ADGRV1: variants seen among roughly 807,000 people sequenced by gnomAD.
ADGRV1 encodes the protein G-protein coupled receptor 98.
Under a neutral mutation model 596.2 loss-of-function variants are expected in ADGRV1, and 359 were observed. That is an observed-to-expected ratio of 0.60 (90% confidence interval 0.55 to 0.66). The LOEUF (loss-of-function observed/expected upper bound fraction) is 0.66, where lower values mean the gene tolerates loss of function less well. ADGRV1 is among the 30% of genes least tolerant of loss of function. The probability of loss-of-function intolerance (pLI) is 0.00; values close to 1 mark genes in which losing one functional copy is unlikely to be tolerated. For missense variants in ADGRV1, 7,274 were observed against 7,575.6 expected (o/e 0.96, Z 1.48); for synonymous variants, 2,681 against 2,679.2 (o/e 1.00, Z -0.02).
intron 83 of ADGRV1, among the ~76,000 whole-genome samples, chr5:90,876,678 G>A (rs1769249428): frequency 6.6e-6 from 1 of 152,186 alleles, no homozygotes; most frequent in South Asian, 2.1e-4. Flanking sequence ...TGAATTATAG[G>A]AAAGTCAGAT....
intron 87 of ADGRV1, among the ~76,000 whole-genome samples, chr5:91,136,222 A>G (rs1219846097): frequency 6.6e-6 from 1 of 151,662 alleles, no homozygotes; most frequent in African/African-American, 2.4e-5. Context: ...AAACATTAAC[A>G]CCTCCCCCAT....
Position 90,759,585 on chromosome 5 carries a change from G to A in ADGRV1, c.12117G>A (p.Lys4039=). The A allele has an allele frequency of 6.2e-7, 1 of 1,611,946 alleles. No homozygotes were observed. Among genetic ancestry groups the A allele is most frequent in the East Asian group, 2.2e-5 (1 of 44,850 alleles). ...SPFGVFGFEE[K]TVMIDESLSS... Reference sequence around the variant, plus strand: ...TTGGAGTATTTGGATTTGAAGAAAAGACTGTAAGTTAAACATATCAGGGGA... The same window carrying A: ...TTGGAGTATTTGGATTTGAAGAAAAAACTGTAAGTTAAACATATCAGGGGA... The change falls in exon 58 of 90, where the codon AAG becomes AAA. Residue 4039 remains lysine, a synonymous_variant. Transcript: ENST00000405460.
intron 50 of ADGRV1, among the ~76,000 whole-genome samples, chr5:90,742,180 T>C (rs937687076): frequency 6.6e-6 from 1 of 152,192 alleles, no homozygotes; most frequent in African/African-American, 2.4e-5. Context: ...AAGAGAGATA[T>C]TATGTATAAT....
chr5:90,714,043 A>G (rs1297267520), intron 42 of ADGRV1, among the ~76,000 whole-genome samples: 1 of 152,200 alleles, frequency 6.6e-6, no homozygotes, highest in African/African-American at 2.4e-5. Context: ...AATTAAGATT[A>G]TCTGTTGAGT....
chr5:91,075,563 T>C (rs994371072), intron 86 of ADGRV1, among the ~76,000 whole-genome samples: 1 of 152,186 alleles, frequency 6.6e-6, no homozygotes, highest in Non-Finnish European at 1.5e-5. Flanking sequence ...AAAATGTGAA[T>C]AGAAGCATTG....
At chr5:90,817,410 T>G (rs1253082496) in intron 75 of ADGRV1, among the ~76,000 whole-genome samples, 6 of 151,370 alleles carry the variant, frequency 4.0e-5, no homozygotes, top group South Asian at 2.1e-4. Context: ...AGAAGCTCTT[T>G]AGTTTAATTA....
At chr5:90,614,589 T>A (rs1035611052) in intron 1 of ADGRV1, 23 of 445,252 alleles carry the variant, frequency 5.2e-5, no homozygotes, top group Middle Eastern at 5.9e-4. Flanking sequence ...AGCTATTATC[T>A]TGGTATAGAA....
chr5:91,043,689 C>G (rs567166125), intron 85 of ADGRV1, among the ~76,000 whole-genome samples: 94 of 152,072 alleles, frequency 6.2e-4, no homozygotes, highest in Non-Finnish European at 1.0e-3. Context: ...GAAAAGAGTG[C>G]TTAGCACTTA....
chr5:90,664,835 T>C (rs1406238346), intron 21 of ADGRV1, among the ~76,000 whole-genome samples: 3 of 140,804 alleles, frequency 2.1e-5, no homozygotes, highest in Non-Finnish European at 4.5e-5. Context: ...GGTTGTTGAA[T>C]GTTGTCAAAG....
At position 90,836,247 on chromosome 5, in the gene ADGRV1, ATGAAAACTTATG is replaced by A. The variant is rs911465364; in HGVS notation, c.16612-4329_16612-4318del. 1.5e-4 allele frequency among the ~76,000 whole-genome samples: 23 copies of A among 152,340 alleles called. 1 individual carries two copies. The highest frequency in any genetic ancestry group is 1.4e-3 in the Admixed American group (22 of 15,298). On this transcript the variant is annotated intron_variant, in intron 77 of 89. Transcript: ENST00000405460. ...AGTCCTGGACATTTATTCCTGATAA[ATGAAAACTTATG>A]TTCACACAAAAACTTGCACATGAAC...
chr5:90,976,921 T>C (rs1300691509), intron 84 of ADGRV1, among the ~76,000 whole-genome samples: 2 of 152,200 alleles, frequency 1.3e-5, no homozygotes, highest in Non-Finnish European at 2.9e-5. Context: ...TTTAAAATGG[T>C]AGAATAAGGT....
rs146015512 is a variant in ADGRV1 at position 90,679,531 on chromosome 5, C to CT, written c.5444-17dup. Reference sequence around the variant, plus strand: ...AATGTGTGTTGTGTGGGTTGTGTCTCTGTGTCTCCTTGTGAAGTAGCTGAA... The same window carrying CT: ...AATGTGTGTTGTGTGGGTTGTGTCTCTTGTGTCTCCTTGTGAAGTAGCTGAA... On this transcript the variant is annotated splice_polypyrimidine_tract_variant and intron_variant, in intron 25 of 89. Transcript: ENST00000405460. The CT allele has an allele frequency of 2.6e-4, 422 of 1,595,812 alleles. 9 individuals carry two copies. The East Asian group carries it at 7.4e-3, about 28-fold the overall frequency.
intron 84 of ADGRV1, among the ~76,000 whole-genome samples, chr5:90,973,486 T>C (rs1481656493): frequency 6.6e-6 from 1 of 152,076 alleles, no homozygotes; most frequent in East Asian, 1.9e-4. Context: ...CAGCAGCACA[T>C]TAAAAGCTTA....
chr5:90,959,936 A>G (rs35060258), intron 83 of ADGRV1, among the ~76,000 whole-genome samples: 36,864 of 151,860 alleles, frequency 0.24, 5,028 homozygotes, highest in Non-Finnish European at 0.32. Context: ...TCAGGAGATC[A>G]AGACCATCCT....
chr5:90,756,906 CA>C (rs1459925111), intron 56 of ADGRV1, 72 bp from the exon 57 acceptor site: 4 of 1,230,324 alleles, frequency 3.3e-6, no homozygotes, highest in Non-Finnish European at 1.1e-6. Context: ...TAAGTAGAAA[CA>C]ATAACTTTAG....
intron 84 of ADGRV1, among the ~76,000 whole-genome samples, chr5:90,967,354 TG>T (rs1778565800): frequency 6.6e-6 from 1 of 152,198 alleles, no homozygotes; most frequent in Non-Finnish European, 1.5e-5. Context: ...GGAAAATTAA[TG>T]GTGTTTTCAA....
Position 90,685,796 on chromosome 5 carries a change from T to C in ADGRV1, c.6291T>C (p.Arg2097=). ...GTCTTTCAGTTCCAAATTCTCCACG[T>C]CTTGGGCCTAAGGTAGAAACTATTG... ...VQSRSIPNSP[R]LGPKVETIAQ... is the part of the protein sequence containing the mutation. Residue 2097 remains arginine (R), a synonymous_variant, in exon 29 of 90, where the codon CGT becomes CGC. Transcript: ENST00000405460. 1.2e-6 allele frequency: 2 copies of C among 1,608,748 alleles called. No individual in the cohort carries two copies. The highest frequency in any genetic ancestry group is 1.7e-6 in the Non-Finnish European group (2 of 1,178,188).
At chr5:90,704,684 C>T (rs1021627605) in intron 36 of ADGRV1, among the ~76,000 whole-genome samples, 196 bp downstream of exon 36, 8 of 152,062 alleles carry the variant, frequency 5.3e-5, no homozygotes, top group Non-Finnish European at 1.2e-4. Context: ...AGGAAAGAAG[C>T]CCTGAAACGT....
chr5:90,969,912 G>A (rs557479008), intron 84 of ADGRV1, among the ~76,000 whole-genome samples: 7 of 152,306 alleles, frequency 4.6e-5, no homozygotes, highest in East Asian at 3.9e-4. Flanking sequence ...AGCGTGAGCC[G>A]AAGCAGGGCG....
Sources: allele counts gnomAD v4.1 joint callset (sites outside exome capture counted in the v4.1 genomes callset), GRCh38; gene constraint gnomAD v4.1.1; transcripts MANE v1.5; gene names NCBI Gene and HGNC (gene_info 2026-07-23, HGNC 2026-07-21).